TBC1D3G: variants seen among roughly 807,000 people sequenced by gnomAD.
TBC1D3G encodes TBC1 domain family member 3G.
At chr17:36,330,672 CAGCT>C in intron 9 of TBC1D3G, 104 bp downstream of exon 9, 1 of 475,222 alleles carries the variant, frequency 2.1e-6, no homozygotes, top group Non-Finnish European at 3.6e-6. Flanking sequence ...CTTGTGTCGC[CAGCT>C]TGTTGGGAGA....
the TBC1D3G span, among the ~76,000 whole-genome samples, chr17:36,318,435 C>CAAAAAAAAAAAAAAAAAAAAAA: frequency 6.7e-4 from 7 of 10,438 alleles, no homozygotes; most frequent in Admixed American, 1.4e-3. Flanking sequence ...GACTTTGTCT[C>CAAAAAAAAAAAAAAAAAAAAAA]AAAAAAAAAA....
the TBC1D3G span, among the ~76,000 whole-genome samples, chr17:36,318,223 C>T: frequency 1.6e-5 from 1 of 63,638 alleles, no homozygotes; most frequent in Non-Finnish European, 3.0e-5. Flanking sequence ...ATCCTTTGGC[C>T]CAGGCATGGT....
At chr17:36,326,758 C>T in intron 3 of TBC1D3G, among the ~76,000 whole-genome samples, 2 of 3,192 alleles carry the variant, frequency 6.3e-4, no homozygotes, top group Admixed American at 3.6e-3. Context: ...CCCCATTGGG[C>T]AGCCTGACCG....
At chr17:36,317,792 A>G in the TBC1D3G span, among the ~76,000 whole-genome samples, 10 of 142,520 alleles carry the variant, frequency 7.0e-5, no homozygotes, top group African/African-American at 2.4e-4. Context: ...TTGAACATTC[A>G]ACTCATTAGT....
At position 36,326,414 on chromosome 17, in the gene TBC1D3G, C is replaced by G. The variant is rs1271936433; in HGVS notation, c.159-601C>G. Among the ~76,000 whole-genome samples the G allele has an allele frequency of 5.0e-5, 6 of 119,314 alleles. 1 individual carries two copies. Among genetic ancestry groups the G allele is most frequent in the Admixed American group, 4.7e-4 (6 of 12,674 alleles). The allele number at this position is 119,314 out of a possible 152,430, so 78.3% of individuals were successfully genotyped here. On this transcript the variant is annotated intron_variant, in intron 3 of 13. Transcript: ENST00000569055. Reference sequence around the variant, plus strand: ...ATCACAGGATGGAGAGACAGAGGATCCCTGGGGAGGTAGGGCGGGAGGGAG... The same window carrying G: ...ATCACAGGATGGAGAGACAGAGGATGCCTGGGGAGGTAGGGCGGGAGGGAG...
intron 12 of TBC1D3G, among the ~76,000 whole-genome samples, 166 bp downstream of exon 12, chr17:36,332,555 C>T (rs1341388156): frequency 8.0e-6 from 1 of 124,226 alleles, no homozygotes; most frequent in African/African-American, 3.1e-5. Context: ...CCATCCCCCA[C>T]ATGACCCAGA....
At chr17:36,317,872 G>C in the TBC1D3G span, among the ~76,000 whole-genome samples, 1 of 126,836 alleles carries the variant, frequency 7.9e-6, no homozygotes, top group African/African-American at 3.1e-5. Flanking sequence ...TTGTTTTTCA[G>C]AGATAATCCT....
chr17:36,321,933 GC>G (rs2069366464), upstream of TBC1D3G, among the ~76,000 whole-genome samples: 8 of 115,426 alleles, frequency 6.9e-5, no homozygotes, highest in Admixed American at 1.6e-4. Context: ...CAGGTGGACT[GC>G]TTGAGTCCAG....
the TBC1D3G span, among the ~76,000 whole-genome samples, chr17:36,317,701 T>G: frequency 2.7e-5 from 4 of 149,252 alleles, no homozygotes; most frequent in South Asian, 8.5e-4. Flanking sequence ...CATAAGTGCT[T>G]AAACACCATT....
At chr17:36,316,595 TA>T in the TBC1D3G span, among the ~76,000 whole-genome samples, 1 of 86,280 alleles carries the variant, frequency 1.2e-5, no homozygotes, top group African/African-American at 3.2e-5. Context: ...TGTATTCAAA[TA>T]TGTGAAGAAA....
At chr17:36,317,992 TCCTTTTCTA>T in the TBC1D3G span, among the ~76,000 whole-genome samples, 3 of 96,302 alleles carry the variant, frequency 3.1e-5, no homozygotes, top group Non-Finnish European at 5.4e-5. Flanking sequence ...TCCCTCTTCT[TCCTTTTCTA>T]CCTTTGGTAT....
chr17:36,318,222 C>G, the TBC1D3G span, among the ~76,000 whole-genome samples: 4 of 63,840 alleles, frequency 6.3e-5, no homozygotes, highest in African/African-American at 2.7e-4. Flanking sequence ...TATCCTTTGG[C>G]CCAGGCATGG....
chr17:36,317,733 T>C, the TBC1D3G span, among the ~76,000 whole-genome samples: 3 of 147,712 alleles, frequency 2.0e-5, no homozygotes, highest in African/African-American at 7.6e-5. Flanking sequence ...TACATTTTTG[T>C]TTAATTTCAC....
At chr17:36,332,569 A>T (rs1335438825) in intron 12 of TBC1D3G, among the ~76,000 whole-genome samples, 180 bp downstream of exon 12, 1 of 123,580 alleles carries the variant, frequency 8.1e-6, no homozygotes, top group Non-Finnish European at 1.7e-5. Context: ...ACCCAGATGA[A>T]AGTCGAGAGT....
At chr17:36,316,922 ACT>A in the TBC1D3G span, among the ~76,000 whole-genome samples, 2 of 113,920 alleles carry the variant, frequency 1.8e-5, no homozygotes, top group African/African-American at 2.7e-5. Flanking sequence ...ACAGAGTCTC[ACT>A]CTGTCAGTTA....
the TBC1D3G span, among the ~76,000 whole-genome samples, chr17:36,317,952 C>A: frequency 9.5e-6 from 1 of 105,426 alleles, no homozygotes; most frequent in Non-Finnish European, 1.7e-5. Context: ...CTGTCTTTTC[C>A]TTTTCCATAT....
At chr17:36,321,968 C>CA (rs2069367079), upstream of TBC1D3G, among the ~76,000 whole-genome samples, 2 of 113,834 alleles carry the variant, frequency 1.8e-5, no homozygotes, top group Non-Finnish European at 4.2e-5. Context: ...GCCTGGGCAC[C>CA]ATGCCAATAC....
rs1195005325 is a variant in TBC1D3G, at chr17:36,323,986, AGCG to A, written c.-2+5_-2+7del. ...CCAGCTGATTCATCAGAATCAGGTG[AGCG>A]TGACCTGCTCTCTTCCCTCCAGGCG... is the stretch of plus-strand genomic sequence containing the variant. On this transcript the variant is annotated splice_donor_5th_base_variant and intron_variant, in intron 1 of 13. Coordinates refer to ENST00000569055, the MANE Select transcript of TBC1D3G (RefSeq NM_001291462.2). 1 of 92,964 alleles carries A rather than the reference AGCG, an allele frequency of 1.1e-5. No individual in the cohort carries two copies. The highest frequency in any genetic ancestry group is 2.1e-5 in the Non-Finnish European group (1 of 46,702). The allele number at this position is 92,964 out of a possible 1,614,324, so 5.8% of individuals were successfully genotyped here.
upstream of TBC1D3G, among the ~76,000 whole-genome samples, chr17:36,323,505 C>A (rs2069375063): frequency 1.0e-5 from 1 of 97,244 alleles, no homozygotes; most frequent in Admixed American, 9.6e-5. Flanking sequence ...GCAGTCACTT[C>A]CCTCCACCGC....
Sources: allele counts gnomAD v4.1 joint callset (sites outside exome capture counted in the v4.1 genomes callset), GRCh38; gene constraint gnomAD v4.1.1; transcripts MANE v1.5; gene names NCBI Gene and HGNC (gene_info 2026-07-23, HGNC 2026-07-21).